Variants in IPO11 observed in about 807,000 individuals in gnomAD.
IPO11 encodes importin-11.
A neutral mutation model predicts 143.2 loss-of-function variants in IPO11; 66 were observed. The observed-to-expected ratio is 0.46, with a 90% CI of 0.38 to 0.57. IPO11 has a LOEUF of 0.57. Among genes scored for constraint, IPO11 ranks in the 20% least tolerant of loss-of-function variants. IPO11 has a pLI of 0.00. For synonymous variants in IPO11, 385 were observed against 377.8 expected (o/e 1.02, Z -0.22); for missense variants, 1,026 against 1,141.0 (o/e 0.90, Z 1.45).
At chr5:62,573,139 C>T (rs947731813) in intron 27 of IPO11, among the ~76,000 whole-genome samples, 8 of 151,946 alleles carry the variant, frequency 5.3e-5, no homozygotes, top group Non-Finnish European at 1.2e-4. Flanking sequence ...CTCTGCCTCC[C>T]GGCTTGTAGC....
At chr5:62,598,379 G>GTTTTCTTTCTTT (rs1400148397) in intron 28 of IPO11, among the ~76,000 whole-genome samples, 3 of 48,576 alleles carry the variant, frequency 6.2e-5, no homozygotes, top group African/African-American at 1.8e-4. Context: ...TAAATTGTTT[G>GTTTTCTTTCTTT]CTTGCTTGCT....
intron 16 of IPO11, among the ~76,000 whole-genome samples, chr5:62,501,314 A>G (rs1741342368): frequency 6.6e-6 from 1 of 152,226 alleles, no homozygotes; most frequent in African/African-American, 2.4e-5. Flanking sequence ...CGATCCCAGA[A>G]TGAATTCTGA....
At chr5:62,572,208 T>G (rs956142936) in intron 27 of IPO11, among the ~76,000 whole-genome samples, 2 of 152,212 alleles carry the variant, frequency 1.3e-5, no homozygotes, top group African/African-American at 4.8e-5. Flanking sequence ...GAAAATGAGA[T>G]CATATTCCTA....
chr5:62,580,926 G>T, intron 27 of IPO11: 10 of 1,550,584 alleles, frequency 6.4e-6, no homozygotes, highest in Non-Finnish European at 8.7e-6. Context: ...CCTTGAACTT[G>T]GAAAAAAACA....
intron 19 of IPO11, among the ~76,000 whole-genome samples, chr5:62,508,335 A>T (rs1741630684): frequency 7.5e-6 from 1 of 133,926 alleles, no homozygotes; most frequent in South Asian, 2.3e-4. Flanking sequence ...TTTAGTAGAG[A>T]TGTGGTTTCG....
In IPO11 at chr5:62,607,387, C is replaced by A. The variant is rs1447651599; in HGVS notation, c.2763+5539C>A. Among the ~76,000 whole-genome samples, 7 of 151,838 alleles carry A rather than the reference C, an allele frequency of 4.6e-5. No homozygotes were observed. The East Asian group carries it at 7.7e-4, about 17-fold the overall frequency. ...GGCTTGGGGTGGGAGTTTTTAAACTCTCTCTGGATGATTTTGACCACTGAG... is the reference window on the plus strand; with the variant it reads ...GGCTTGGGGTGGGAGTTTTTAAACTATCTCTGGATGATTTTGACCACTGAG... On this transcript the variant is annotated intron_variant, in intron 29 of 29. Transcript: ENST00000325324.
intron 1 of IPO11, among the ~76,000 whole-genome samples, chr5:62,435,614 G>T (rs560343964): frequency 6.6e-6 from 1 of 151,724 alleles, no homozygotes; most frequent in South Asian, 2.1e-4. Context: ...GGTGGCTCGC[G>T]CCTGTAATCC....
chr5:62,427,748 C>T (rs529819769), intron 1 of IPO11, among the ~76,000 whole-genome samples: 3 of 152,342 alleles, frequency 2.0e-5, no homozygotes, highest in Middle Eastern at 3.4e-3. Flanking sequence ...CCCTTTACCC[C>T]TCTTCCACTG....
intron 26 of IPO11, among the ~76,000 whole-genome samples, chr5:62,553,845 C>T (rs375615903): frequency 1.3e-5 from 2 of 151,960 alleles, no homozygotes; most frequent in Non-Finnish European, 2.9e-5. Flanking sequence ...CTCTGCCTCC[C>T]GGGTTCAAGT....
chr5:62,580,643 CA>C (rs779776705), intron 27 of IPO11: 51 of 1,551,342 alleles, frequency 3.3e-5, no homozygotes, highest in Non-Finnish European at 4.0e-5. Context: ...ATTAACATTA[CA>C]AATTGTGTTA....
intron 27 of IPO11, among the ~76,000 whole-genome samples, chr5:62,587,019 C>A (rs1744819890): frequency 6.6e-6 from 1 of 150,418 alleles, no homozygotes; most frequent in African/African-American, 2.4e-5. Flanking sequence ...AGCCCTTAAT[C>A]ATCTCCTTTT....
chr5:62,509,188 T>C (rs754291889), intron 19 of IPO11, among the ~76,000 whole-genome samples: 1 of 152,234 alleles, frequency 6.6e-6, no homozygotes, highest in Non-Finnish European at 1.5e-5. Context: ...AAATATGTAA[T>C]CATCAGGCGT....
At chr5:62,415,225 G>A (rs1315885707) in intron 1 of IPO11, among the ~76,000 whole-genome samples, 2 of 152,056 alleles carry the variant, frequency 1.3e-5, no homozygotes, top group Non-Finnish European at 2.9e-5. Context: ...GTGCAGTGGC[G>A]TGATCTCTGC....
chr5:62,598,508 TTC>T (rs1745350846), intron 28 of IPO11, among the ~76,000 whole-genome samples: 3 of 6,052 alleles, frequency 5.0e-4, no homozygotes, highest in African/African-American at 4.6e-3. Flanking sequence ...CTTTCTTTCT[TTC>T]TTTCTTTCTT....
chr5:62,543,300 G>A (rs1415319116), intron 24 of IPO11, among the ~76,000 whole-genome samples: 1 of 152,180 alleles, frequency 6.6e-6, no homozygotes, highest in Non-Finnish European at 1.5e-5. Context: ...ATTCGGCTGT[G>A]AATCCGTCTG....
intron 1 of IPO11, among the ~76,000 whole-genome samples, chr5:62,429,153 G>A (rs1743878010): frequency 1.3e-5 from 2 of 152,106 alleles, no homozygotes. Flanking sequence ...GTTCCAAATA[G>A]CAGTTGCTCC....
intron 18 of IPO11, among the ~76,000 whole-genome samples, chr5:62,505,624 C>T (rs1345392680): frequency 6.6e-6 from 1 of 151,958 alleles, no homozygotes; most frequent in Non-Finnish European, 1.5e-5. Flanking sequence ...CAAATTCTTG[C>T]TTTATGTAAG....
At chr5:62,606,563 A>C (rs2112457536) in intron 29 of IPO11, among the ~76,000 whole-genome samples, 1 of 147,812 alleles carries the variant, frequency 6.8e-6, no homozygotes, top group East Asian at 2.1e-4. Context: ...GCGGCCGGGT[A>C]CGGTGGCTCA....
At chr5:62,553,274 A>G (rs1033351603) in intron 26 of IPO11, among the ~76,000 whole-genome samples, 1 of 152,012 alleles carries the variant, frequency 6.6e-6, no homozygotes, top group African/African-American at 2.4e-5. Context: ...TCATGTTGCC[A>G]TGAATGACAG....
Sources: allele counts gnomAD v4.1 joint callset (sites outside exome capture counted in the v4.1 genomes callset), GRCh38; gene constraint gnomAD v4.1.1; transcripts MANE v1.5; gene names NCBI Gene and HGNC (gene_info 2026-07-23, HGNC 2026-07-21).